FAT4: variants seen among roughly 807,000 people sequenced by gnomAD.
The protein encoded by FAT4 is FAT atypical cadherin 4.
Under a neutral mutation model 303.9 loss-of-function variants are expected in FAT4, and 84 were observed. The observed-to-expected ratio is 0.28, with a 90% confidence interval of 0.23 to 0.33. FAT4 has a LOEUF of 0.33. Ranked by LOEUF, FAT4 falls within the 10% of genes least tolerant of loss-of-function variation. The pLI is 1.00. For synonymous variants in FAT4, 2,307 were observed against 2,298.8 expected, an observed-to-expected ratio of 1.00 and a Z score of -0.10; for missense variants, 6,005 against 6,146.8, an observed-to-expected ratio of 0.98 and a Z score of 0.77.
intron 3 of FAT4, among the ~76,000 whole-genome samples, chr4:125,405,874 T>G (rs1734582865): frequency 6.6e-6 from 1 of 152,188 alleles, no homozygotes; most frequent in African/African-American, 2.4e-5. Context: ...TTTATTGGAT[T>G]ACCAAACTTA....
intron 2 of FAT4, among the ~76,000 whole-genome samples, chr4:125,322,845 A>G (rs1003749509): frequency 7.2e-5 from 11 of 152,098 alleles, no homozygotes; most frequent in African/African-American, 2.6e-4. Flanking sequence ...TAGAGATATA[A>G]TTCTAAGGGG....
At chr4:125,328,408 T>C (rs1003396444) in intron 2 of FAT4, among the ~76,000 whole-genome samples, 1 of 152,200 alleles carries the variant, frequency 6.6e-6, no homozygotes, top group Non-Finnish European at 1.5e-5. Context: ...ATAATTTATA[T>C]GTGGTAATTA....
chr4:125,316,687 C>T lies in FAT4; in HGVS notation c.276C>T (p.Thr92=), dbSNP rs1390206620. 1 of 1,613,628 alleles carries T rather than the reference C, an allele frequency of 6.2e-7. No individual in the cohort carries two copies. Among genetic ancestry groups the T allele is most frequent in the East Asian group, 2.2e-5 (1 of 44,864 alleles). Residue 92 remains threonine, a synonymous_variant, in exon 2 of 18, where the codon ACC becomes ACT. Transcript: ENST00000394329. This position sits in a 1 kb window ranked among gnomAD's most constrained non-coding sequence, Gnocchi z 5.7. ...AINSSTGALY[T]TSTIDRESLP... ...ACAGTAGCACCGGAGCCCTGTACAC[C>T]ACCTCCACCATCGACCGCGAGAGCC...
intron 2 of FAT4, among the ~76,000 whole-genome samples, chr4:125,335,908 C>T (rs370523589): frequency 2.0e-5 from 3 of 151,952 alleles, no homozygotes; most frequent in Admixed American, 2.0e-4. Flanking sequence ...ATGTGCAGTA[C>T]ACATAGCACT....
intron 3 of FAT4, among the ~76,000 whole-genome samples, chr4:125,404,146 C>A (rs1314596566): frequency 6.6e-6 from 1 of 152,108 alleles, no homozygotes; most frequent in Admixed American, 6.6e-5. Context: ...GCTCAAAGAC[C>A]TGAGAGTACG....
intron 2 of FAT4, among the ~76,000 whole-genome samples, chr4:125,374,404 A>G (rs895703349): frequency 8.5e-5 from 13 of 152,208 alleles, no homozygotes; most frequent in African/African-American, 3.1e-4. Flanking sequence ...GAGATATTCC[A>G]TAAGAGATTA....
intron 16 of FAT4, among the ~76,000 whole-genome samples, chr4:125,484,018 C>A: frequency 7.2e-6 from 1 of 138,112 alleles, no homozygotes; most frequent in African/African-American, 2.7e-5. Context: ...CTCTCTCATT[C>A]TCTTTTCTAT....
At chr4:125,398,988 A>T in intron 3 of FAT4, 73 bp downstream of exon 3, 1 of 1,437,776 alleles carries the variant, frequency 7.0e-7, no homozygotes, top group South Asian at 1.2e-5. Flanking sequence ...GGATATGTTG[A>T]CTACTTTTAT....
At chr4:125,436,968 C>T (rs2126046348) in intron 8 of FAT4, among the ~76,000 whole-genome samples, 1 of 152,114 alleles carries the variant, frequency 6.6e-6, no homozygotes, top group East Asian at 1.9e-4. Context: ...GATTCTCCTG[C>T]CTCAGCCTCC....
chr4:125,460,459 C>T (rs1726444548), intron 10 of FAT4, among the ~76,000 whole-genome samples: 1 of 151,926 alleles, frequency 6.6e-6, no homozygotes, highest in African/African-American at 2.4e-5. Context: ...CAGTAGACCC[C>T]AGTGTCTGTT....
At chr4:125,424,794 T>A (rs1268767253) in intron 7 of FAT4, among the ~76,000 whole-genome samples, 1 of 152,174 alleles carries the variant, frequency 6.6e-6, no homozygotes, top group Non-Finnish European at 1.5e-5. Context: ...GCGGTTAAAT[T>A]AACTGGCGAG....
In FAT4 at chr4:125,319,716, G is replaced by GTACCAATTACACATTTTACTTCGA; in HGVS notation, c.3306_3329dup (p.Phe1109_Glu1110insAspThrAsnTyrThrPheTyrPhe). On this transcript the variant is annotated inframe_insertion, in exon 2 of 18. Coordinates refer to ENST00000394329, the MANE Select transcript of FAT4 (RefSeq NM_001291303.3). ...AATGATAACAGACCTCTTTTTAACAGTACCAATTACACATTTTACTTCGAA... is the reference window on the plus strand; with the variant it reads ...AATGATAACAGACCTCTTTTTAACAGTACCAATTACACATTTTACTTCGATACCAATTACACATTTTACTTCGAA... 6.2e-7 allele frequency: 1 copy of GTACCAATTACACATTTTACTTCGA among 1,614,066 alleles called. No homozygotes were observed. Among genetic ancestry groups the GTACCAATTACACATTTTACTTCGA allele is most frequent in the Non-Finnish European group, 8.5e-7 (1 of 1,179,904 alleles).
At chr4:125,477,998 T>C (rs1026799814) in intron 14 of FAT4, among the ~76,000 whole-genome samples, 1 of 152,174 alleles carries the variant, frequency 6.6e-6, no homozygotes, top group Non-Finnish European at 1.5e-5. Flanking sequence ...ATGTTTTGAC[T>C]GCTTAGTATC....
Position 125,446,398 on chromosome 4 carries a change from G to A in FAT4, c.7305G>A (p.Leu2435=). The A allele has an allele frequency of 1.2e-6, 2 of 1,613,478 alleles. No homozygotes were observed. Among genetic ancestry groups the A allele is most frequent in the Non-Finnish European group, 1.7e-6 (2 of 1,179,542 alleles). ...LDRETKDNYT[L]VVVCSDAGSP... ...GGGAAACAAAAGATAATTATACTTT[G>A]GTAGTGGTCTGCAGTGATGCGGGAT... Residue 2435 remains leucine, a synonymous_variant, in exon 9 of 18, where the codon TTG becomes TTA. Transcript: ENST00000394329.
chr4:125,432,378 A>G (rs1269658931), intron 7 of FAT4, among the ~76,000 whole-genome samples: 1 of 152,224 alleles, frequency 6.6e-6, no homozygotes, highest in Non-Finnish European at 1.5e-5. Context: ...GTGCTGATTT[A>G]TGGGGATTAG....
intron 15 of FAT4, 23 bp from the exon 16 acceptor site, chr4:125,481,498 C>T (rs542367725): frequency 6.2e-7 from 1 of 1,608,110 alleles, no homozygotes; most frequent in East Asian, 2.2e-5. Context: ...CATTCATTTT[C>T]CCTTTTTTCC....
At chr4:125,364,072 G>A (rs1457943741) in intron 2 of FAT4, among the ~76,000 whole-genome samples, 1 of 152,022 alleles carries the variant, frequency 6.6e-6, no homozygotes, top group Non-Finnish European at 1.5e-5. Flanking sequence ...GACTGATGGA[G>A]GTTCTTGAAA....
At chr4:125,329,173 C>T (rs1158615341) in intron 2 of FAT4, among the ~76,000 whole-genome samples, 4 of 152,050 alleles carry the variant, frequency 2.6e-5, no homozygotes, top group African/African-American at 4.8e-5. Flanking sequence ...ATTTTCTTCC[C>T]TTTGCAGCAA....
intron 17 of FAT4, among the ~76,000 whole-genome samples, chr4:125,488,657 A>T (rs993486100): frequency 2.6e-5 from 4 of 152,220 alleles, no homozygotes; most frequent in Non-Finnish European, 5.9e-5. Flanking sequence ...CAAAAGCAGC[A>T]TATGTCTGAG....
Sources: allele counts gnomAD v4.1 joint callset (sites outside exome capture counted in the v4.1 genomes callset), GRCh38; gene constraint gnomAD v4.1.1; non-coding constraint Gnocchi (gnomAD v3.1); transcripts MANE v1.5; gene names NCBI Gene and HGNC (gene_info 2026-07-23, HGNC 2026-07-21).